The following KCNMA1 variants were observed in gnomAD, a reference collection of about 807,000 sequenced individuals.
The protein encoded by KCNMA1 is Calcium-activated potassium channel subunit alpha-1.
In KCNMA1, 29 loss-of-function variants were observed where a neutral mutation model predicts 140.0. The ratio of observed to expected loss-of-function variants is 0.21; its 90% CI spans 0.15 to 0.28. The LOEUF (loss-of-function observed/expected upper bound fraction) is 0.28. Ranked by LOEUF, KCNMA1 falls within the 10% of genes least tolerant of loss-of-function variation. The pLI is 1.00. For missense variants in KCNMA1, 880 were observed against 1,602.2 expected (o/e 0.55, Z 7.70); for synonymous variants, 612 against 611.9 (o/e 1.00, Z 0.00).
intron 16 of KCNMA1, among the ~76,000 whole-genome samples, chr10:77,021,611 T>G (rs1389748518): frequency 6.6e-6 from 1 of 152,238 alleles, no homozygotes; most frequent in Admixed American, 6.5e-5. Context: ...GACTTTTGTC[T>G]GCACAGTGAA....
intron 1 of KCNMA1, among the ~76,000 whole-genome samples, chr10:77,526,996 G>T (rs1252015611): frequency 6.6e-6 from 1 of 152,136 alleles, no homozygotes. Flanking sequence ...CAAATCCTTT[G>T]GGGGCATTGT....
intron 2 of KCNMA1, among the ~76,000 whole-genome samples, chr10:77,266,368 C>T (rs928429008): frequency 2.3e-4 from 35 of 152,220 alleles, no homozygotes; most frequent in African/African-American, 8.4e-4. Context: ...GGGGAGAGAA[C>T]AGCTCCCTTT....
At chr10:76,988,284 T>C (rs1397279574) in intron 19 of KCNMA1, among the ~76,000 whole-genome samples, 2 of 152,054 alleles carry the variant, frequency 1.3e-5, no homozygotes, top group African/African-American at 4.8e-5. Flanking sequence ...ATCTAATTAA[T>C]TACAAAATCA....
intron 2 of KCNMA1, among the ~76,000 whole-genome samples, chr10:77,346,203 G>A (rs1167537879): frequency 2.0e-5 from 3 of 152,160 alleles, no homozygotes; most frequent in Admixed American, 6.6e-5. Context: ...GTGATGCTTT[G>A]CTGAGCAATT....
chr10:76,895,413 G>T (rs1475115779), intron 25 of KCNMA1, among the ~76,000 whole-genome samples: 1 of 152,058 alleles, frequency 6.6e-6, no homozygotes, highest in African/African-American at 2.4e-5. Context: ...GTTGCTATAT[G>T]ACCCAGAAAT....
chr10:77,062,760 A>C (rs748750786), intron 14 of KCNMA1, among the ~76,000 whole-genome samples: 1 of 152,364 alleles, frequency 6.6e-6, no homozygotes, highest in Middle Eastern at 3.4e-3. Flanking sequence ...AGCTCATTTT[A>C]CAAATGTTGC....
chr10:77,041,900 G>A (rs747438682), intron 14 of KCNMA1, among the ~76,000 whole-genome samples: 3 of 152,192 alleles, frequency 2.0e-5, no homozygotes, highest in Non-Finnish European at 4.4e-5. Context: ...TGGACCAGAA[G>A]GAGAGCTAGG....
At chr10:77,118,172 A>G (rs2097524513) in intron 6 of KCNMA1, among the ~76,000 whole-genome samples, 1 of 152,188 alleles carries the variant, frequency 6.6e-6, no homozygotes, top group Non-Finnish European at 1.5e-5. Flanking sequence ...AAATCTCCCT[A>G]AAGACGATTA....
intron 2 of KCNMA1, among the ~76,000 whole-genome samples, chr10:77,310,867 T>C (rs544234846): frequency 6.6e-6 from 1 of 152,158 alleles, no homozygotes; most frequent in East Asian, 1.9e-4. Context: ...AACAGAAAAG[T>C]CTATTTATTT....
chr10:77,584,541 G>A (rs1398397003), intron 1 of KCNMA1, among the ~76,000 whole-genome samples: 1 of 152,112 alleles, frequency 6.6e-6, no homozygotes, highest in East Asian at 1.9e-4. Context: ...TTTTAGTAGA[G>A]ACAGGGAGGG....
Position 77,476,256 on chromosome 10 carries a change from C to T in KCNMA1, c.379-72233G>A, listed in dbSNP as rs140009864. 3.4e-3 allele frequency among the ~76,000 whole-genome samples: 522 copies of T among 152,236 alleles called. 4 individuals are homozygous for T. Among genetic ancestry groups the T allele is most frequent in the African/African-American group, 0.012 (502 of 41,548 alleles). On this transcript the variant is annotated intron_variant, in intron 1 of 27. Coordinates refer to ENST00000286628, the MANE Select transcript of KCNMA1 (RefSeq NM_001161352.2). ...AATTAGCACATGTCAAAAGGCCATC[C>T]GCAAAGGGGACACATTATAAATCAG...
At chr10:76,932,571 T>C (rs2059540122) in intron 23 of KCNMA1, among the ~76,000 whole-genome samples, 1 of 152,224 alleles carries the variant, frequency 6.6e-6, no homozygotes, top group Non-Finnish European at 1.5e-5. Context: ...TATGTCTTTG[T>C]ATTCATACAC....
chr10:77,559,759 C>T (rs2065750740), intron 1 of KCNMA1, among the ~76,000 whole-genome samples: 1 of 152,182 alleles, frequency 6.6e-6, no homozygotes, highest in East Asian at 1.9e-4. Flanking sequence ...ATATGCTAGA[C>T]ATTTCAGCAA....
chr10:77,421,580 T>C (rs2096868264), intron 1 of KCNMA1, among the ~76,000 whole-genome samples: 1 of 152,272 alleles, frequency 6.6e-6, no homozygotes, highest in Non-Finnish European at 1.5e-5. Context: ...TGTGGTTGTA[T>C]TCCAGCGGAA....
intron 23 of KCNMA1, among the ~76,000 whole-genome samples, chr10:76,933,147 A>G (rs1047790033): frequency 6.6e-6 from 1 of 152,162 alleles, no homozygotes; most frequent in African/African-American, 2.4e-5. Flanking sequence ...ATGAAGGGAG[A>G]CTAAATCCTG....
At chr10:77,200,711 G>GT (rs1173602088) in intron 3 of KCNMA1, among the ~76,000 whole-genome samples, 1 of 151,740 alleles carries the variant, frequency 6.6e-6, no homozygotes, top group Non-Finnish European at 1.5e-5. Context: ...CTAAATTATA[G>GT]TTAGAATCGA....
At chr10:77,101,773 C>T (rs1475812023) in intron 9 of KCNMA1, among the ~76,000 whole-genome samples, 1 of 152,152 alleles carries the variant, frequency 6.6e-6, no homozygotes, top group Non-Finnish European at 1.5e-5. Context: ...GAGAGCAGTC[C>T]GCCCCTTGCA....
intron 2 of KCNMA1, among the ~76,000 whole-genome samples, chr10:77,294,867 C>T (rs988876132): frequency 1.3e-4 from 20 of 151,914 alleles, no homozygotes; most frequent in Admixed American, 1.1e-3. Context: ...TGCAGTCAGC[C>T]GAGATTGTGC....
At chr10:77,587,655 C>T (rs1319556282) in intron 1 of KCNMA1, 2 of 969,428 alleles carry the variant, frequency 2.1e-6, no homozygotes, top group Non-Finnish European at 2.5e-6. Flanking sequence ...GCTCTGAGGA[C>T]ACCTTCAGTG....
Sources: gnomAD v4.1 joint callset for allele counts (sites outside exome capture counted in the v4.1 genomes callset) on GRCh38, gnomAD v4.1.1 for gene constraint, MANE v1.5 for transcripts, NCBI Gene and HGNC (gene_info 2026-07-23, HGNC 2026-07-21) for gene names.